Variants in CCDC172 observed in about 807,000 individuals in gnomAD.
CCDC172 encodes coiled-coil domain containing 172, also known as coiled-coil domain-containing protein 172.
In CCDC172, 30 loss-of-function variants were observed where a neutral mutation model predicts 38.0. The ratio of observed to expected loss-of-function variants is 0.79; its 90% CI spans 0.59 to 1.07. The LOEUF is 1.07. Among genes scored for constraint, CCDC172 ranks in the 50% least tolerant of loss-of-function variants. The probability of loss-of-function intolerance (pLI) is 0.00; values close to 1 mark genes in which losing one functional copy is unlikely to be tolerated. For synonymous variants in CCDC172, 78 were observed against 88.3 expected (o/e 0.88, Z 0.66); for missense variants, 297 against 290.1 (o/e 1.02, Z -0.17).
At chr10:116,329,705 A>G (rs946293576) in intron 3 of CCDC172, among the ~76,000 whole-genome samples, 2 of 152,158 alleles carry the variant, frequency 1.3e-5, no homozygotes, top group African/African-American at 2.4e-5. Flanking sequence ...TAATGCACAC[A>G]TTGACAGTGC....
intron 5 of CCDC172, among the ~76,000 whole-genome samples, chr10:116,355,724 C>T (rs1844987398): frequency 6.6e-6 from 1 of 152,038 alleles, no homozygotes; most frequent in Non-Finnish European, 1.5e-5. Context: ...TGCAAAAGAC[C>T]ACATATTGTA....
At position 116,379,996 on chromosome 10, in the gene CCDC172, G is replaced by A. The variant is rs61864803; in HGVS notation, c.*638G>A. On this transcript the variant is annotated 3_prime_UTR_variant, in exon 9 of 9. Coordinates refer to ENST00000333254, the MANE Select transcript of CCDC172 (RefSeq NM_198515.3). ...TGCTTCCTGTACAGCCTGCAGAACCGTGGGACAATTAAACTTGTGTTCTTT... is the reference window on the plus strand; with the variant it reads ...TGCTTCCTGTACAGCCTGCAGAACCATGGGACAATTAAACTTGTGTTCTTT... 0.078 allele frequency: 11,861 copies of A among 152,212 alleles called. 542 individuals carry two copies. Among genetic ancestry groups the A allele is most frequent in the African/African-American group, 0.11 (4,708 of 41,512 alleles). 9.4% of individuals were successfully genotyped at this position (152,212 alleles called of 1,614,324 possible).
chr10:116,334,561 T>C (rs1210287779), intron 3 of CCDC172, among the ~76,000 whole-genome samples: 1 of 152,084 alleles, frequency 6.6e-6, no homozygotes, highest in African/African-American at 2.4e-5. Context: ...AAATAAGCAA[T>C]TTTAATTGCT....
intron 3 of CCDC172, among the ~76,000 whole-genome samples, chr10:116,337,996 A>G (rs1250788200): frequency 6.6e-6 from 1 of 152,228 alleles, no homozygotes; most frequent in Non-Finnish European, 1.5e-5. Flanking sequence ...GGAGACTGTG[A>G]AAAGCTATTT....
chr10:116,376,367 C>T (rs913653310), intron 7 of CCDC172, among the ~76,000 whole-genome samples: 5 of 152,082 alleles, frequency 3.3e-5, no homozygotes, highest in African/African-American at 9.7e-5. Context: ...AATGTTGTTC[C>T]TCATATCTCC....
At chr10:116,332,183 T>A (rs1175614160) in intron 3 of CCDC172, among the ~76,000 whole-genome samples, 1 of 152,178 alleles carries the variant, frequency 6.6e-6, no homozygotes, top group African/African-American at 2.4e-5. Context: ...ATCCTTACAC[T>A]GAGCTGTCTA....
At chr10:116,365,535 C>T (rs1348550353) in intron 7 of CCDC172, among the ~76,000 whole-genome samples, 2 of 152,144 alleles carry the variant, frequency 1.3e-5, no homozygotes, top group African/African-American at 2.4e-5. Flanking sequence ...TATTGTAACT[C>T]TCCACTTAAC....
chr10:116,363,548 GAA>G (rs898048162), intron 7 of CCDC172, among the ~76,000 whole-genome samples: 6 of 152,050 alleles, frequency 3.9e-5, no homozygotes, highest in Non-Finnish European at 8.8e-5. Context: ...TCAGTCCATG[GAA>G]AAACCAGTGG....
chr10:116,332,964 CAT>C (rs1844684032), intron 3 of CCDC172, among the ~76,000 whole-genome samples: 1 of 152,190 alleles, frequency 6.6e-6, no homozygotes, highest in Admixed American at 6.6e-5. Flanking sequence ...AAATTTAAAT[CAT>C]GTGTTGTCTT....
intron 5 of CCDC172, among the ~76,000 whole-genome samples, chr10:116,343,474 A>G (rs2577373): frequency 0.71 from 107,416 of 150,814 alleles, 38,316 homozygotes; most frequent in East Asian, 0.88. Flanking sequence ...ATGACTCTTG[A>G]CACTACTCTC....
At chr10:116,362,912 C>A (rs953570263) in intron 7 of CCDC172, among the ~76,000 whole-genome samples, 7 of 152,104 alleles carry the variant, frequency 4.6e-5, no homozygotes, top group African/African-American at 1.7e-4. Flanking sequence ...TTTGTGAATC[C>A]TTGGCACATA....
chr10:116,365,059 G>A (rs1319350205), intron 7 of CCDC172, among the ~76,000 whole-genome samples: 1 of 152,142 alleles, frequency 6.6e-6, no homozygotes, highest in Non-Finnish European at 1.5e-5. Context: ...TTAGTTCAGT[G>A]AGTGAGGGAA....
intron 3 of CCDC172, among the ~76,000 whole-genome samples, chr10:116,332,965 A>T: frequency 6.6e-6 from 1 of 152,206 alleles, no homozygotes; most frequent in South Asian, 2.1e-4. Context: ...AATTTAAATC[A>T]TGTGTTGTCT....
intron 5 of CCDC172, among the ~76,000 whole-genome samples, chr10:116,349,248 G>A (rs1221582510): frequency 1.3e-5 from 2 of 152,110 alleles, no homozygotes; most frequent in Admixed American, 6.6e-5. Context: ...TTTCATTATA[G>A]ATAACAATGT....
At chr10:116,338,524 A>G (rs1844757010) in intron 3 of CCDC172, among the ~76,000 whole-genome samples, 1 of 152,148 alleles carries the variant, frequency 6.6e-6, no homozygotes, top group African/African-American at 2.4e-5. Flanking sequence ...AAAATTATGG[A>G]TATGCCCTTT....
At chr10:116,361,023 C>A (rs915085089) in intron 7 of CCDC172, among the ~76,000 whole-genome samples, 1 of 148,918 alleles carries the variant, frequency 6.7e-6, no homozygotes, top group African/African-American at 2.5e-5. Flanking sequence ...CCTCTGTAAA[C>A]CCCCAAACCT....
chr10:116,352,120 G>A (rs143383416), intron 5 of CCDC172, among the ~76,000 whole-genome samples: 1 of 152,216 alleles, frequency 6.6e-6, no homozygotes, highest in Admixed American at 6.5e-5. Flanking sequence ...TGTCACAATA[G>A]AAATATTTCA....
intron 7 of CCDC172, among the ~76,000 whole-genome samples, chr10:116,359,883 T>C (rs1845043057): frequency 6.6e-6 from 1 of 152,230 alleles, no homozygotes; most frequent in Non-Finnish European, 1.5e-5. Flanking sequence ...TATGCCATGT[T>C]CAGGTTATTT....
intron 5 of CCDC172, among the ~76,000 whole-genome samples, chr10:116,354,040 C>T (rs1321022800): frequency 1.3e-5 from 2 of 152,178 alleles, no homozygotes; most frequent in African/African-American, 4.8e-5. Flanking sequence ...CTTGTACAGT[C>T]GTGCACCACA....
Sources: gnomAD v4.1 joint callset for allele counts (sites outside exome capture counted in the v4.1 genomes callset) on GRCh38, gnomAD v4.1.1 for gene constraint, MANE v1.5 for transcripts, NCBI Gene and HGNC (gene_info 2026-07-23, HGNC 2026-07-21) for gene names.